Variants in TIAM1 observed in about 807,000 individuals in gnomAD.
TIAM1 encodes the protein rho guanine nucleotide exchange factor TIAM1.
Under a neutral mutation model 163.5 loss-of-function variants are expected in TIAM1, and 65 were observed. The ratio of observed to expected loss-of-function variants is 0.40; its 90% confidence interval spans 0.33 to 0.49. TIAM1 has a LOEUF of 0.49. Ranked by LOEUF, TIAM1 falls within the 20% of genes least tolerant of loss-of-function variation. The pLI, the probability that TIAM1 is intolerant of heterozygous loss-of-function variation, is 0.77. For synonymous variants in TIAM1, 833 were observed against 810.1 expected, an observed-to-expected ratio of 1.03 and a Z score of -0.48; for missense variants, 1,789 against 2,044.7, an observed-to-expected ratio of 0.87 and a Z score of 2.41.
At chr21:31,423,122 G>A (rs1389204561) in intron 2 of TIAM1, among the ~76,000 whole-genome samples, 5 of 136,236 alleles carry the variant, frequency 3.7e-5, no homozygotes, top group East Asian at 2.1e-4. Flanking sequence ...TTTTTGAGAC[G>A]GAGTCTGGCT....
intron 2 of TIAM1, among the ~76,000 whole-genome samples, chr21:31,355,279 A>G (rs1179979097): frequency 6.6e-6 from 1 of 152,002 alleles, no homozygotes; most frequent in East Asian, 1.9e-4. Context: ...ACCAAAAACA[A>G]TATTCTTGGC....
At chr21:31,557,819 C>T (rs1601100075) in intron 1 of TIAM1, among the ~76,000 whole-genome samples, 2 of 152,164 alleles carry the variant, frequency 1.3e-5, no homozygotes, top group African/African-American at 4.8e-5. Context: ...GGGGGCAAGA[C>T]CAGGAGACGC....
chr21:31,134,111 T>A (rs74788112), intron 23 of TIAM1, among the ~76,000 whole-genome samples: 3,809 of 151,498 alleles, frequency 0.025, 144 homozygotes, highest in African/African-American at 0.088. Context: ...CAGAAAAGAG[T>A]TTGCCAACCC....
At chr21:31,148,534 A>C (rs1212017105) in intron 19 of TIAM1, among the ~76,000 whole-genome samples, 3 of 152,212 alleles carry the variant, frequency 2.0e-5, no homozygotes, top group African/African-American at 7.2e-5. Context: ...AAATGAACTA[A>C]TACAGAGTCA....
chr21:31,519,305 CAAAAA>C (rs369132676), intron 1 of TIAM1, among the ~76,000 whole-genome samples: 5 of 53,116 alleles, frequency 9.4e-5, no homozygotes, highest in African/African-American at 3.9e-4. Flanking sequence ...AACTCTGTCT[CAAAAA>C]AAAAAAAAAA....
chr21:31,348,945 A>C (rs1324032545), upstream of TIAM1, among the ~76,000 whole-genome samples: 3 of 152,222 alleles, frequency 2.0e-5, no homozygotes, highest in East Asian at 5.8e-4. Context: ...ATACATAGAG[A>C]TATTCTTAAA....
intron 15 of TIAM1, among the ~76,000 whole-genome samples, chr21:31,170,528 T>C (rs1165290144): frequency 1.3e-5 from 2 of 152,098 alleles, no homozygotes; most frequent in Admixed American, 6.6e-5. Context: ...GGACAGTTTT[T>C]AAAAAGAAAA....
rs2073617408 is a variant in TIAM1 at position 31,282,589 on chromosome 21, T to C, written c.-188-5681A>G. Among the ~76,000 whole-genome samples, 5 of 152,188 alleles carry C rather than the reference T, an allele frequency of 3.3e-5. No individual in the cohort carries two copies. The South Asian group carries it at 8.3e-4, about 25-fold the overall frequency. On this transcript the variant is annotated intron_variant, in intron 2 of 27. Transcript: ENST00000541036. The stretch of plus-strand genomic sequence containing the variant: ...AGCCACTGTTTTCACCAAGGGTGTG[T>C]CTGTCTGGCTTCTGTGAAAGCTGAG...
At chr21:31,124,750 T>C (rs557432929) in intron 26 of TIAM1, 56 bp from the exon 27 acceptor site, 3 of 1,435,774 alleles carry the variant, frequency 2.1e-6, no homozygotes, top group Non-Finnish European at 2.8e-6. Context: ...CATGGGGAAC[T>C]TCTAAGGTTA....
At chr21:31,430,221 A>AT (rs1188059548) in intron 2 of TIAM1, among the ~76,000 whole-genome samples, 122 of 104,804 alleles carry the variant, frequency 1.2e-3, no homozygotes, top group East Asian at 2.3e-3. Flanking sequence ...AAAAAAAAAA[A>AT]AAAAATATAT....
At chr21:31,412,784 TAAAAAAA>T (rs77221722) in intron 2 of TIAM1, among the ~76,000 whole-genome samples, 113 of 103,522 alleles carry the variant, frequency 1.1e-3, no homozygotes, top group Middle Eastern at 0.011. Context: ...TGTCTCAGGT[TAAAAAAA>T]AAAAAAAAAA....
chr21:31,552,047 A>ATTT (rs2048707211), intron 1 of TIAM1, among the ~76,000 whole-genome samples: 2 of 110,642 alleles, frequency 1.8e-5, no homozygotes, highest in Non-Finnish European at 1.8e-5. Context: ...ACTCTGCACT[A>ATTT]CTTTTTTTTT....
At chr21:31,409,882 CTT>C (rs749932701) in intron 2 of TIAM1, among the ~76,000 whole-genome samples, 1 of 145,352 alleles carries the variant, frequency 6.9e-6, no homozygotes, top group Non-Finnish European at 1.5e-5. Flanking sequence ...TTAAGGAGGC[CTT>C]TTTTTTTTTT....
At chr21:31,474,631 C>T (rs987739617) in intron 1 of TIAM1, among the ~76,000 whole-genome samples, 37 of 151,690 alleles carry the variant, frequency 2.4e-4, no homozygotes, top group African/African-American at 7.3e-4. Flanking sequence ...CCGCAACCTC[C>T]GCCTCCCGGG....
chr21:31,484,916 A>G (rs539049770), intron 1 of TIAM1, among the ~76,000 whole-genome samples: 30 of 152,322 alleles, frequency 2.0e-4, no homozygotes, highest in Non-Finnish European at 3.8e-4. Context: ...TGCTTATACA[A>G]GAGGTCTCAG....
chr21:31,133,329 C>G (rs985681990), intron 23 of TIAM1, among the ~76,000 whole-genome samples: 1 of 152,186 alleles, frequency 6.6e-6, no homozygotes, highest in East Asian at 1.9e-4. Flanking sequence ...CGTCTTGTAC[C>G]TCAGAGCCTT....
chr21:31,244,340 T>C (rs1266834448), intron 6 of TIAM1, among the ~76,000 whole-genome samples: 1 of 152,230 alleles, frequency 6.6e-6, no homozygotes, highest in African/African-American at 2.4e-5. Flanking sequence ...CATTTATACC[T>C]GCTCTTCCTT....
Position 31,442,074 on chromosome 21 carries a change from T to A in TIAM1, c.-369+21909A>T, listed in dbSNP as rs575785778. Among the ~76,000 whole-genome samples, 49 of 95,040 alleles carry A rather than the reference T, an allele frequency of 5.2e-4. 4 individuals carry two copies. Among genetic ancestry groups the A allele is most frequent in the Non-Finnish European group, 6.3e-4 (30 of 47,304 alleles). The allele number at this position is 95,040 out of a possible 152,430, so 62.3% of individuals were successfully genotyped here. ...CTATCTCAGAACAAATAAATAAATA[T>A]ATATATATATATAGAACAATAAGGG... On this transcript the variant is annotated intron_variant, in intron 2 of 28. Transcript: ENST00000286827.
At chr21:31,556,611 GTTGT>G (rs60730154) in intron 1 of TIAM1, among the ~76,000 whole-genome samples, 36,695 of 151,604 alleles carry the variant, frequency 0.24, 4,860 homozygotes, top group Middle Eastern at 0.39. Flanking sequence ...ATTATTTTGT[GTTGT>G]TTATTTCTAT....
Sources: gnomAD v4.1 joint callset for allele counts (sites outside exome capture counted in the v4.1 genomes callset) on GRCh38, gnomAD v4.1.1 for gene constraint, MANE v1.5 for transcripts, NCBI Gene and HGNC (gene_info 2026-07-23, HGNC 2026-07-21) for gene names.